Variants in MAPK8 observed in about 807,000 individuals in gnomAD.
MAPK8 encodes the protein JUN N-terminal kinase.
A neutral mutation model predicts 52.9 loss-of-function variants in MAPK8; 13 were observed. The observed-to-expected ratio is 0.25, with a 90% CI of 0.16 to 0.39. The LOEUF is 0.39. Ranked by LOEUF, MAPK8 falls within the 10% of genes least tolerant of loss-of-function variation. The pLI, the probability that MAPK8 is intolerant of heterozygous loss-of-function variation, is 1.00. For synonymous variants in MAPK8, 191 were observed against 169.8 expected, an observed-to-expected ratio of 1.12 and a Z score of -0.97; for missense variants, 300 against 519.2, an observed-to-expected ratio of 0.58 and a Z score of 4.10.
intron 1 of MAPK8, among the ~76,000 whole-genome samples, chr10:48,396,557 T>C (rs536045883): frequency 6.6e-6 from 1 of 152,326 alleles, no homozygotes; most frequent in East Asian, 1.9e-4. Context: ...AAATTAAACA[T>C]GGAGTTACCA....
intron 1 of MAPK8, among the ~76,000 whole-genome samples, chr10:48,339,892 A>G (rs1263350561): frequency 1.3e-5 from 2 of 152,218 alleles, no homozygotes; most frequent in East Asian, 1.9e-4. Flanking sequence ...TTAAAAAGTA[A>G]TAAAATAAGA....
intron 2 of MAPK8, among the ~76,000 whole-genome samples, chr10:48,403,917 TTGTGTGTGTGTGTGTGTGTG>T (rs71465463): frequency 8.0e-6 from 1 of 125,748 alleles, no homozygotes; most frequent in African/African-American, 3.2e-5. Flanking sequence ...CCCGGCTAAT[TTGTGTGTGTGTGTGTGTGTG>T]TGTGTGTGTG....
At chr10:48,377,760 T>C (rs535619097) in intron 1 of MAPK8, among the ~76,000 whole-genome samples, 18 of 152,068 alleles carry the variant, frequency 1.2e-4, no homozygotes, top group Non-Finnish European at 2.6e-4. Flanking sequence ...TCTGGACTAT[T>C]ATATGAGAAA....
intron 2 of MAPK8, 99 bp from the exon 3 acceptor site, chr10:48,404,752 TC>T: frequency 1.2e-6 from 1 of 855,632 alleles, no homozygotes; most frequent in Non-Finnish European, 1.8e-6. Context: ...CAGTTACTTG[TC>T]TTTGGAGAAA....
intron 2 of MAPK8, among the ~76,000 whole-genome samples, chr10:48,402,375 A>C (rs2042205025): frequency 6.6e-6 from 1 of 152,196 alleles, no homozygotes; most frequent in South Asian, 2.1e-4. Flanking sequence ...TTCACACTAT[A>C]ATGAAGCGTG....
intron 1 of MAPK8, among the ~76,000 whole-genome samples, chr10:48,387,162 T>TG (rs1277421415): frequency 2.6e-5 from 4 of 152,136 alleles, no homozygotes; most frequent in African/African-American, 9.7e-5. Flanking sequence ...CTCCCCTTTG[T>TG]GGGTGGGGGT....
At chr10:48,342,173 G>A (rs976728441) in intron 1 of MAPK8, among the ~76,000 whole-genome samples, 1 of 152,116 alleles carries the variant, frequency 6.6e-6, no homozygotes, top group African/African-American at 2.4e-5. Context: ...GCGCTGTCAC[G>A]GCTGATCACA....
chr10:48,429,817 T>G (rs1450897493), intron 10 of MAPK8: 1 of 152,200 alleles, frequency 6.6e-6, no homozygotes, highest in Non-Finnish European at 1.5e-5. Context: ...AATGTCATAC[T>G]CTGTAATCAG....
chr10:48,356,711 A>G (rs75767655), intron 1 of MAPK8, among the ~76,000 whole-genome samples: 94 of 151,912 alleles, frequency 6.2e-4, no homozygotes, highest in African/African-American at 2.3e-3. Flanking sequence ...TTCTAATGGC[A>G]TGTGCCTGTA....
At chr10:48,426,570 T>G in intron 9 of MAPK8, 66 bp downstream of exon 9, 1 of 1,441,504 alleles carries the variant, frequency 6.9e-7, no homozygotes, top group Non-Finnish European at 9.4e-7. Context: ...CAGTTAGGTT[T>G]GGAGGAGACC....
chr10:48,324,518 T>TTTTTTTTTTTTTTTTTTTTTTA (rs1843307491), intron 1 of MAPK8, among the ~76,000 whole-genome samples: 1 of 135,070 alleles, frequency 7.4e-6, no homozygotes, highest in African/African-American at 2.5e-5. Flanking sequence ...TTTTTTTTTT[T>TTTTTTTTTTTTTTTTTTTTTTA]TTACACTCAT....
At chr10:48,389,138 G>GA (rs2132827478) in intron 1 of MAPK8, among the ~76,000 whole-genome samples, 1 of 152,210 alleles carries the variant, frequency 6.6e-6, no homozygotes, top group East Asian at 1.9e-4. Flanking sequence ...AAATATAGTT[G>GA]AAAAATGAAC....
intron 2 of MAPK8, among the ~76,000 whole-genome samples, chr10:48,402,171 G>A (rs1034498812): frequency 2.6e-5 from 4 of 152,128 alleles, no homozygotes; most frequent in African/African-American, 9.7e-5. Context: ...ATAATAACCT[G>A]TATTATTCAT....
chr10:48,410,167 G>A lies in MAPK8; in HGVS notation c.449G>A (p.Arg150Gln). The change falls in exon 5 of 12, where the codon CGG becomes CAG. Residue 150 changes from arginine (R) to glutamine (Q), a missense_variant and splice_region_variant. Coordinates refer to ENST00000374189, the MANE Select transcript of MAPK8 (RefSeq NM_001323329.2). Reference protein sequence around the residue: ...KHLHSAGIIHRDLKPSNIVVK... With the variant: ...KHLHSAGIIHQDLKPSNIVVK... ...CTTCATTCTGCTGGAATTATTCATC[G>A]GGTTAGTAGAAGAAACTATCGTCAT... The A allele has an allele frequency of 6.6e-7, 1 of 1,516,450 alleles. No individual in the cohort carries two copies. The allele number at this position is 1,516,450 out of a possible 1,614,324, so 93.9% of individuals were successfully genotyped here.
At chr10:48,418,008 G>A (rs1385311873) in intron 5 of MAPK8, among the ~76,000 whole-genome samples, 4 of 152,160 alleles carry the variant, frequency 2.6e-5, no homozygotes, top group East Asian at 3.8e-4. Context: ...AATAGTCTGC[G>A]TCACAGCTAC....
At chr10:48,362,322 A>G (rs2132539677) in intron 1 of MAPK8, among the ~76,000 whole-genome samples, 1 of 152,256 alleles carries the variant, frequency 6.6e-6, no homozygotes, top group Non-Finnish European at 1.5e-5. Context: ...TCTTAGCCTC[A>G]AAGATATCTG....
At chr10:48,427,777 T>G (rs1195874036) in intron 10 of MAPK8, among the ~76,000 whole-genome samples, 1 of 152,118 alleles carries the variant, frequency 6.6e-6, no homozygotes, top group African/African-American at 2.4e-5. Flanking sequence ...TAGGCGTGAG[T>G]GCTTTGTTGA....
chr10:48,364,482 C>T (rs887814119), intron 1 of MAPK8, among the ~76,000 whole-genome samples: 4 of 151,714 alleles, frequency 2.6e-5, no homozygotes, highest in Admixed American at 1.3e-4. Flanking sequence ...ATGCTTATGG[C>T]TTTCTGTTTT....
intron 1 of MAPK8, among the ~76,000 whole-genome samples, chr10:48,349,768 A>T (rs1368058957): frequency 6.6e-6 from 1 of 152,204 alleles, no homozygotes; most frequent in African/African-American, 2.4e-5. Context: ...AATAACTAAG[A>T]TCAGAGCAGA....
Sources: allele counts gnomAD v4.1 joint callset (sites outside exome capture counted in the v4.1 genomes callset), GRCh38; gene constraint gnomAD v4.1.1; transcripts MANE v1.5; gene names NCBI Gene and HGNC (gene_info 2026-07-23, HGNC 2026-07-21).